Variants in NRXN3 observed in about 807,000 individuals in gnomAD.
NRXN3 encodes neurexin III.
A neutral mutation model predicts 137.6 loss-of-function variants in NRXN3; 32 were observed. The ratio of observed to expected loss-of-function variants is 0.23; its 90% confidence interval spans 0.18 to 0.31. NRXN3 has a LOEUF of 0.31. NRXN3 is among the 10% of genes least tolerant of loss of function. The pLI is 1.00. For missense variants in NRXN3, 1,574 were observed against 2,062.5 expected (o/e 0.76, Z 4.59); for synonymous variants, 798 against 784.5 (o/e 1.02, Z -0.29).
chr14:79,411,941 A>G (rs2095422790), intron 15 of NRXN3, among the ~76,000 whole-genome samples: 1 of 152,140 alleles, frequency 6.6e-6, no homozygotes, highest in Non-Finnish European at 1.5e-5. Flanking sequence ...GGGTATGTAC[A>G]AGGTGCCATG....
intron 10 of NRXN3, among the ~76,000 whole-genome samples, chr14:78,895,190 C>T (rs1046112986): frequency 2.0e-5 from 3 of 151,926 alleles, no homozygotes; most frequent in Non-Finnish European, 2.9e-5. Flanking sequence ...CATCTTTTTC[C>T]TATATAAAGC....
chr14:78,919,154 T>C (rs1049257528), intron 10 of NRXN3, among the ~76,000 whole-genome samples: 1 of 152,236 alleles, frequency 6.6e-6, no homozygotes, highest in African/African-American at 2.4e-5. Flanking sequence ...ATTTTTCTTC[T>C]AAAACTTTTG....
chr14:78,192,107 TGAGA>T (rs3220428), intron 1 of NRXN3, among the ~76,000 whole-genome samples: 20 of 140,520 alleles, frequency 1.4e-4, no homozygotes, highest in African/African-American at 4.7e-4. Flanking sequence ...TGTGTGTGTG[TGAGA>T]GAGAGAGCAT....
chr14:79,255,490 A>T (rs1363808400), intron 15 of NRXN3, among the ~76,000 whole-genome samples: 1 of 152,234 alleles, frequency 6.6e-6, no homozygotes, highest in Non-Finnish European at 1.5e-5. Context: ...CTTGGGCAAG[A>T]TGTTTTACCT....
chr14:79,110,224 A>G (rs985054894), intron 15 of NRXN3, among the ~76,000 whole-genome samples: 1 of 152,252 alleles, frequency 6.6e-6, no homozygotes, highest in Non-Finnish European at 1.5e-5. Context: ...GAAAAACTGA[A>G]GAGAGTTAAG....
intron 8 of NRXN3, among the ~76,000 whole-genome samples, chr14:78,780,147 C>G (rs1324387105): frequency 6.6e-6 from 1 of 152,168 alleles, no homozygotes; most frequent in African/African-American, 2.4e-5. Context: ...AGCTCAGTAA[C>G]TGTTCCTTAC....
intron 17 of NRXN3, among the ~76,000 whole-genome samples, chr14:79,678,170 A>G (rs1251027029): frequency 6.6e-6 from 1 of 152,046 alleles, no homozygotes; most frequent in Non-Finnish European, 1.5e-5. Flanking sequence ...CCCTGCAGCT[A>G]CTTAGAATAG....
At chr14:78,275,359 T>C (rs2153494435) in intron 2 of NRXN3, among the ~76,000 whole-genome samples, 1 of 152,314 alleles carries the variant, frequency 6.6e-6, no homozygotes, top group East Asian at 1.9e-4. Flanking sequence ...ATGATCTTCA[T>C]TGATAAAACT....
chr14:79,435,727 T>G (rs1199817233), intron 15 of NRXN3, among the ~76,000 whole-genome samples: 3 of 151,990 alleles, frequency 2.0e-5, no homozygotes, highest in Non-Finnish European at 2.9e-5. Flanking sequence ...CCCAATCTCC[T>G]GAGCTCAGGC....
At chr14:78,643,456 C>A (rs1489614933) in intron 4 of NRXN3, among the ~76,000 whole-genome samples, 1 of 152,184 alleles carries the variant, frequency 6.6e-6, no homozygotes, top group African/African-American at 2.4e-5. Flanking sequence ...GTAAGGCTAT[C>A]TGGCAAGAAG....
chr14:79,161,891 G>C (rs1037660628), intron 15 of NRXN3, among the ~76,000 whole-genome samples: 2 of 151,784 alleles, frequency 1.3e-5, no homozygotes, highest in Non-Finnish European at 2.9e-5. Context: ...GGAATAATGA[G>C]ATCCCATGGA....
intron 19 of NRXN3, among the ~76,000 whole-genome samples, chr14:79,777,029 G>A (rs1396069545): frequency 6.6e-6 from 1 of 152,124 alleles, no homozygotes; most frequent in Non-Finnish European, 1.5e-5. Flanking sequence ...CCACCTGCAA[G>A]GTTGTTCTTG....
chr14:79,595,339 G>C (rs1220354220), intron 16 of NRXN3, among the ~76,000 whole-genome samples: 1 of 152,104 alleles, frequency 6.6e-6, no homozygotes, highest in African/African-American at 2.4e-5. Context: ...GAGTACACTG[G>C]AGTTAGCTTT....
intron 15 of NRXN3, among the ~76,000 whole-genome samples, chr14:79,261,133 T>C (rs1010863105): frequency 3.3e-5 from 5 of 152,000 alleles, no homozygotes; most frequent in Admixed American, 2.6e-4. Flanking sequence ...GAGGGTGAGA[T>C]ATATGTGAGG....
intron 10 of NRXN3, among the ~76,000 whole-genome samples, chr14:78,846,394 G>T (rs2099027070): frequency 6.6e-6 from 1 of 152,048 alleles, no homozygotes; most frequent in Non-Finnish European, 1.5e-5. Flanking sequence ...CAATGTAGTG[G>T]AGAACTGCAT....
chr14:78,956,568 G>T (rs923108392), intron 10 of NRXN3, among the ~76,000 whole-genome samples: 1 of 152,160 alleles, frequency 6.6e-6, no homozygotes, highest in Non-Finnish European at 1.5e-5. Flanking sequence ...CATCATTTCA[G>T]TTTTTAGGTA....
At position 79,003,831 on chromosome 14, in the gene NRXN3, G is replaced by A. The variant is rs547517548; in HGVS notation, c.3262+15690G>A. ...TCAGCTGCCGAACATTAGGGGATTC[G>A]ACCAAAACCTTAATCATGGCGATTT... On this transcript the variant is annotated intron_variant, in intron 15 of 20. Coordinates refer to ENST00000335750, the MANE Select transcript of NRXN3 (RefSeq NM_001330195.2). 4.6e-5 allele frequency among the ~76,000 whole-genome samples: 7 copies of A among 152,224 alleles called. No homozygotes were observed. The East Asian group carries it at 9.6e-4, about 21-fold the overall frequency.
At chr14:78,797,825 CAA>C (rs1379184116) in intron 8 of NRXN3, among the ~76,000 whole-genome samples, 2 of 152,236 alleles carry the variant, frequency 1.3e-5, no homozygotes, top group East Asian at 1.9e-4. Context: ...TGGTGGCAGA[CAA>C]GAGAGAAAAT....
intron 8 of NRXN3, among the ~76,000 whole-genome samples, chr14:78,801,286 A>C (rs2098838048): frequency 6.6e-6 from 1 of 152,196 alleles, no homozygotes; most frequent in Non-Finnish European, 1.5e-5. Context: ...GCGCTACAGC[A>C]CTCCAGCCTG....
Sources: gnomAD v4.1 joint callset for allele counts (sites outside exome capture counted in the v4.1 genomes callset) on GRCh38, gnomAD v4.1.1 for gene constraint, MANE v1.5 for transcripts, NCBI Gene and HGNC (gene_info 2026-07-23, HGNC 2026-07-21) for gene names.